Variants in SLC30A7 observed in about 807,000 individuals in gnomAD.
SLC30A7 encodes the protein solute carrier family 30 member 7, also known as zinc transporter 7.
A neutral mutation model predicts 46.0 loss-of-function variants in SLC30A7; 35 were observed. The ratio of observed to expected loss-of-function variants is 0.76; its 90% CI spans 0.58 to 1.01. The LOEUF is 1.01. Among genes scored for constraint, SLC30A7 ranks in the 50% least tolerant of loss-of-function variants. The probability of loss-of-function intolerance (pLI) is 0.00; values close to 1 mark genes in which losing one functional copy is unlikely to be tolerated. For missense variants in SLC30A7, 464 were observed against 451.1 expected (o/e 1.03, Z -0.26); for synonymous variants, 147 against 157.8 (o/e 0.93, Z 0.51).
Position 100,918,104 on chromosome 1 carries a change from G to T in SLC30A7, c.683G>T (p.Gly228Val), listed in dbSNP as rs1486386092. Residue 228 changes from glycine (G) to valine (V), a missense_variant, in exon 7 of 11, where the codon GGA becomes GTA. Gly to Val is a moderately radical substitution (Grantham distance 109, BLOSUM62 -3). Coordinates refer to ENST00000357650, the MANE Select transcript of SLC30A7 (RefSeq NM_133496.5). ...GGCCCGTCCTTAAAAGAAACAACAGGACCCAGCAGACAGATTTTACAAGGT... is the reference window on the plus strand; with the variant it reads ...GGCCCGTCCTTAAAAGAAACAACAGTACCCAGCAGACAGATTTTACAAGGT... The part of the protein sequence containing the change: ...HDGPSLKETT[G>V]PSRQILQGVF... 3.1e-6 allele frequency: 5 copies of T among 1,612,732 alleles called. No individual in the cohort carries two copies. The highest frequency in any genetic ancestry group is 4.2e-6 in the Non-Finnish European group (5 of 1,179,230).
intron 10 of SLC30A7, among the ~76,000 whole-genome samples, chr1:100,968,937 GTC>G (rs764344016): frequency 9.9e-5 from 15 of 152,116 alleles, no homozygotes; most frequent in Non-Finnish European, 1.2e-4. Flanking sequence ...GTTCCCATTG[GTC>G]TTTTTTAACC....
In SLC30A7 at chr1:100,906,861, G is replaced by T. The variant is rs749701445; in HGVS notation, c.192G>T (p.Leu64Phe). Residue 64 changes from leucine (L) to phenylalanine (F), a missense_variant, in exon 3 of 11, where the codon TTG becomes TTT. Physicochemically the swap from Leu to Phe is conservative, Grantham distance 22 (BLOSUM62 0). Coordinates refer to ENST00000357650, the MANE Select transcript of SLC30A7 (RefSeq NM_133496.5). ...GTTTGTTCTTTTCCAGCTTAGGCTTGATTTCCGACTCTTTTCACATGTTTT... is the reference window on the plus strand; with the variant it reads ...GTTTGTTCTTTTCCAGCTTAGGCTTTATTTCCGACTCTTTTCACATGTTTT... ...LYGIWSNCLGLISDSFHMFFD... is the reference protein window; with the variant it reads ...LYGIWSNCLGFISDSFHMFFD... The T allele has an allele frequency of 6.2e-7, 1 of 1,611,996 alleles. No homozygotes were observed. Among genetic ancestry groups the T allele is most frequent in the Non-Finnish European group, 8.5e-7 (1 of 1,178,406 alleles).
chr1:100,908,111 T>C (rs1651805814), intron 3 of SLC30A7, among the ~76,000 whole-genome samples: 1 of 151,916 alleles, frequency 6.6e-6, no homozygotes, highest in Non-Finnish European at 1.5e-5. Flanking sequence ...AGCTCTCCCT[T>C]TCCGGTGCAG....
At chr1:100,923,005 T>TG (rs1491576025) in intron 8 of SLC30A7, among the ~76,000 whole-genome samples, 3 of 14,704 alleles carry the variant, frequency 2.0e-4, no homozygotes, top group African/African-American at 1.1e-3. Flanking sequence ...TTAGAATAGA[T>TG]TTTTTTTTTT....
chr1:100,913,560 G>A, intron 5 of SLC30A7, 103 bp from the exon 6 acceptor site: 1 of 800,974 alleles, frequency 1.2e-6, no homozygotes, highest in Admixed American at 2.4e-5. Flanking sequence ...TTATTGAATT[G>A]ATCTGAGTTT....
chr1:100,962,206 C>T (rs1655587386), intron 9 of SLC30A7, among the ~76,000 whole-genome samples: 1 of 152,044 alleles, frequency 6.6e-6, no homozygotes, highest in Non-Finnish European at 1.5e-5. Flanking sequence ...TTTTGAGCTC[C>T]CACTCTACCA....
chr1:100,921,756 G>C lies in SLC30A7; in HGVS notation c.757G>C (p.Ala253Pro). ...ADTLGSIGVI[A>P]SAIMMQNFGL... ...TACACTTGGAAGTATTGGTGTAATT[G>C]CTTCTGCCATCATGATGCAAAATTT... The change falls in exon 8 of 11, where the codon GCT (alanine) becomes CCT (proline). Residue 253 changes from alanine to proline, a missense_variant. Physicochemically the swap from Ala to Pro is conservative, Grantham distance 27 (BLOSUM62 -1). Coordinates refer to ENST00000357650, the MANE Select transcript of SLC30A7 (RefSeq NM_133496.5). 6.2e-7 allele frequency: 1 copy of C among 1,612,456 alleles called. No homozygotes were observed. The highest frequency in any genetic ancestry group is 8.5e-7 in the Non-Finnish European group (1 of 1,179,076).
chr1:100,907,384 T>C (rs1651747649), intron 3 of SLC30A7, among the ~76,000 whole-genome samples: 1 of 152,208 alleles, frequency 6.6e-6, no homozygotes, highest in African/African-American at 2.4e-5. Context: ...ATGTAACAGT[T>C]CTTATATGCT....
intron 10 of SLC30A7, among the ~76,000 whole-genome samples, chr1:100,969,414 C>T (rs143991795): frequency 3.3e-5 from 5 of 152,252 alleles, no homozygotes; most frequent in Middle Eastern, 3.4e-3. Flanking sequence ...CTAGGACACT[C>T]CATATTCTCC....
At chr1:100,928,749 G>C (rs1193361457) in intron 8 of SLC30A7, among the ~76,000 whole-genome samples, 1 of 151,908 alleles carries the variant, frequency 6.6e-6, no homozygotes, top group Admixed American at 6.6e-5. Flanking sequence ...GAAAAACTAG[G>C]ATCACAACAC....
intron 2 of SLC30A7, among the ~76,000 whole-genome samples, chr1:100,903,711 G>C (rs1651457220): frequency 2.6e-5 from 4 of 152,040 alleles, no homozygotes; most frequent in Admixed American, 2.6e-4. Context: ...ATTTGGCAGA[G>C]GTTTATAAAT....
chr1:100,946,727 G>A (rs1283674972), intron 8 of SLC30A7, among the ~76,000 whole-genome samples: 5 of 152,204 alleles, frequency 3.3e-5, no homozygotes, highest in Admixed American at 3.3e-4. Flanking sequence ...GTTCATTAAA[G>A]ATATTGTTCC....
chr1:100,991,659 T>G, the SLC30A7 span, among the ~76,000 whole-genome samples: 2 of 151,486 alleles, frequency 1.3e-5, no homozygotes, highest in East Asian at 3.9e-4. Flanking sequence ...TGTGGTGGCA[T>G]GCACCTGTAG....
intron 7 of SLC30A7, 28 bp downstream of exon 7, chr1:100,918,155 A>C (rs755187392): frequency 6.9e-6 from 11 of 1,591,404 alleles, no homozygotes; most frequent in Non-Finnish European, 9.5e-6. Flanking sequence ...TATGTTTCTT[A>C]GTTTTTTGAA....
chr1:100,930,111 T>C (rs543796343), intron 8 of SLC30A7, among the ~76,000 whole-genome samples: 3 of 152,180 alleles, frequency 2.0e-5, no homozygotes, highest in African/African-American at 7.2e-5. Flanking sequence ...TATAGAAATA[T>C]ACTTTGTTAC....
the SLC30A7 span, chr1:100,990,454 G>C: frequency 1.9e-6 from 3 of 1,613,916 alleles, no homozygotes. Flanking sequence ...TTCTGGTATG[G>C]AAAACAGACT....
chr1:100,982,608 T>A (rs1214504318), downstream of SLC30A7, among the ~76,000 whole-genome samples: 3 of 152,214 alleles, frequency 2.0e-5, no homozygotes, highest in Non-Finnish European at 2.9e-5. Context: ...TCTTTTACTT[T>A]CTTTTCCATT....
chr1:100,994,409 T>G, the SLC30A7 span, among the ~76,000 whole-genome samples: 1 of 152,172 alleles, frequency 6.6e-6, no homozygotes, highest in Non-Finnish European at 1.5e-5. Flanking sequence ...GGTACTGTAT[T>G]AGACACTGCC....
intron 8 of SLC30A7, among the ~76,000 whole-genome samples, chr1:100,927,885 G>T (rs1287627945): frequency 6.9e-6 from 1 of 144,784 alleles, no homozygotes; most frequent in Non-Finnish European, 1.5e-5. Context: ...TCCCTGTTTG[G>T]GAAGAAGTAT....
Sources: allele counts gnomAD v4.1 joint callset (sites outside exome capture counted in the v4.1 genomes callset), GRCh38; gene constraint gnomAD v4.1.1; transcripts MANE v1.5; gene names NCBI Gene and HGNC (gene_info 2026-07-23, HGNC 2026-07-21).